Variants in PIGO observed in about 807,000 individuals in gnomAD.
The protein encoded by PIGO is GPI ethanolamine phosphate transferase 3, catalytic subunit.
Under a neutral mutation model 86.9 loss-of-function variants are expected in PIGO, and 66 were observed. That is an observed-to-expected ratio of 0.76 (90% confidence interval 0.62 to 0.93). PIGO has a LOEUF of 0.93. PIGO is among the 40% of genes least tolerant of loss of function. The pLI, the probability that PIGO is intolerant of heterozygous loss-of-function variation, is 0.00. For synonymous variants in PIGO, 570 were observed against 556.4 expected (o/e 1.02, Z -0.34); for missense variants, 1,202 against 1,359.1 (o/e 0.88, Z 1.82).
rs754771826 is a variant in PIGO, at chr9:35,092,221, G to A, written c.1666C>T (p.Arg556Cys). 12 of 1,614,218 alleles carry A rather than the reference G, an allele frequency of 7.4e-6. No homozygotes were observed. Among genetic ancestry groups the A allele is most frequent in the Non-Finnish European group, 9.3e-6 (11 of 1,180,050 alleles). ...CTATCAGAGAAGAACACAGCCAAGC[G>A]AAACAGCAGGAGTAACAGGACGGGC... ...PGPVLLLLLFRLAVFFSDSFV... is the reference protein window; with the variant it reads ...PGPVLLLLLFCLAVFFSDSFV... Residue 556 changes from arginine to cysteine, a missense_variant, in exon 7 of 11, where the codon CGC becomes TGC. By Grantham distance (180) the Arg-to-Cys change is radical. Coordinates refer to ENST00000378617, the MANE Select transcript of PIGO (RefSeq NM_032634.4).
At chr9:35,093,621 T>C (rs779338200) in intron 4 of PIGO, 41 bp from the exon 5 acceptor site, 1 of 1,549,782 alleles carries the variant, frequency 6.5e-7, no homozygotes, top group East Asian at 2.3e-5. Flanking sequence ...AACGGATAAA[T>C]ATTTTTCTCA....
Position 35,089,078 on chromosome 9 carries a change from A to C in PIGO, c.*14T>G. On this transcript the variant is annotated 3_prime_UTR_variant, in exon 11 of 11. Transcript: ENST00000378617. ...GCACTCTCTGTAGCCAAGTGCCAGT[A>C]ATCACAGACTAGGCTACCTCTGCTG... 6.2e-7 allele frequency: 1 copy of C among 1,614,064 alleles called. No individual in the cohort carries two copies. The highest frequency in any genetic ancestry group is 8.5e-7 in the Non-Finnish European group (1 of 1,179,996).
chr9:35,089,770 G>A lies in PIGO; in HGVS notation c.3069+296C>T, dbSNP rs896534871. ...AAGAGGATCCATGACCACAGTTTGG[G>A]AAGAAAATCCTGGCTATCACCTCAG... is the stretch of plus-strand genomic sequence containing the variant. On this transcript the variant is annotated intron_variant, in intron 9 of 10. Transcript: ENST00000378617. The A allele has an allele frequency of 1.2e-5, 16 of 1,390,408 alleles. No individual in the cohort carries two copies. In the Admixed American group the frequency reaches 2.8e-4, roughly 24 times the overall value. The allele number at this position is 1,390,408 out of a possible 1,614,324, so 86.1% of individuals were successfully genotyped here.
rs1829410483 is a variant in PIGO at position 35,091,450 on chromosome 9, C to A, written c.2437G>T (p.Glu813Ter). The change falls in exon 7 of 11, where the codon GAG becomes TAG. Residue 813 changes from glutamate (E) to a stop codon, truncating the protein, a stop_gained. Coordinates refer to ENST00000378617, the MANE Select transcript of PIGO (RefSeq NM_032634.4). LOFTEE classifies it high-confidence loss of function. ...HMQEEFRGRL[E>*]RTKSQGPLTV... is the part of the protein sequence containing the mutation. ...AGGGGACCCTGAGATTTGGTCCTCT[C>A]TAACCGGCCCCGGAACTCCTCCTGC... is the stretch of plus-strand genomic sequence containing the variant. The A allele has an allele frequency of 6.2e-7, 1 of 1,614,218 alleles. No homozygotes were observed. Among genetic ancestry groups the A allele is most frequent in the Non-Finnish European group, 8.5e-7 (1 of 1,180,032 alleles).
chr9:35,092,610 G>T lies in PIGO; in HGVS notation c.1277C>A (p.Ala426Asp), dbSNP rs147098410. ...TCCCCGCAGGAACTGCTGCAGCTCA[G>T]CAATCACAGTCGGCAGTGTCGCCTC... ...GAEATLPTVI[A>D]ELQQFLRGAR... Residue 426 changes from alanine (A) to aspartate (D), a missense_variant, in exon 7 of 11, where the codon GCT (alanine) becomes GAT (aspartate). Coordinates refer to ENST00000378617, the MANE Select transcript of PIGO (RefSeq NM_032634.4). 89 of 1,614,270 alleles carry T rather than the reference G, an allele frequency of 5.5e-5. No homozygotes were observed. The African/African-American group carries it at 1.1e-3, about 20-fold the overall frequency.
At position 35,095,264 on chromosome 9, in the gene PIGO, A is replaced by G. The variant is rs527285898; in HGVS notation, c.302T>C (p.Leu101Pro). The change falls in exon 2 of 11, where the codon CTG becomes CCG. Residue 101 changes from leucine to proline, a missense_variant. Leu to Pro is a moderately conservative substitution (Grantham distance 98). Transcript: ENST00000378617. ...CCTCTGCAAGGAGCTTAGTTTGCCC[A>G]GGAAGGGTAGGGAGACAGGAGGCTC... is the stretch of plus-strand genomic sequence containing the variant. ...PREPPVSLPF[L>P]GKLSSLQRIL... is the part of the protein sequence containing the mutation. 3 of 1,614,150 alleles carry G rather than the reference A, an allele frequency of 1.9e-6. No homozygotes were observed. In the East Asian group the frequency reaches 6.7e-5, roughly 36 times the overall value.
rs1431069407 is a variant in PIGO at position 35,089,903 on chromosome 9, G to A, written c.3069+163C>T. On this transcript the variant is annotated intron_variant, in intron 9 of 10. Transcript: ENST00000378617. ...CAGGACTAGGATTAAGGAGACCCAG[G>A]TTCAAGTCTCAGAACTGCCATTTGA... is the stretch of plus-strand genomic sequence containing the variant. 5 of 1,431,888 alleles carry A rather than the reference G, an allele frequency of 3.5e-6. No homozygotes were observed. In the African/African-American group the frequency reaches 7.2e-5, roughly 21 times the overall value. 88.7% of individuals were successfully genotyped at this position (1,431,888 alleles called of 1,614,324 possible). A position where few individuals can be genotyped will look rare whatever the true frequency, so the allele number is the denominator to read the frequency against.
intron 1 of PIGO, 180 bp from the exon 2 acceptor site, chr9:35,095,746 G>A: frequency 2.3e-6 from 2 of 855,214 alleles, no homozygotes; most frequent in South Asian, 2.0e-5. Context: ...GGGCATGGTG[G>A]CTCACGCCTG....
At position 35,092,166 on chromosome 9, in the gene PIGO, G is replaced by C. The variant is rs558371613; in HGVS notation, c.1721C>G (p.Pro574Arg). Reference protein sequence around the residue: ...SFVVAEARATPFLLGSFILLL... With the variant: ...SFVVAEARATRFLLGSFILLL... The stretch of plus-strand genomic sequence containing the variant: ...CAGGATGAATGAGCCCAAAAGGAAG[G>C]GGGTGGCCCTGGCCTCAGCTACAAC... Residue 574 changes from proline (P) to arginine (R), a missense_variant, in exon 7 of 11, where the codon CCC (proline) becomes CGC (arginine). Transcript: ENST00000378617. 115 of 1,614,212 alleles carry C rather than the reference G, an allele frequency of 7.1e-5. No homozygotes were observed. The highest frequency in any genetic ancestry group is 9.3e-5 in the African/African-American group (7 of 75,058).
Position 35,095,155 on chromosome 9 carries a change from G to A in PIGO, c.411C>T (p.Ala137=). The A allele has an allele frequency of 6.2e-7, 1 of 1,614,196 alleles. No homozygotes were observed. ...PPTTTMQRLK[A]LTTGSLPTFI... is the part of the protein sequence containing the mutation. ...AGGTAGGCAGTGAGCCAGTGGTGAG[G>A]GCCTTGAGGCGCTGCATGGTGGTGG... Residue 137 remains alanine, a synonymous_variant, in exon 2 of 11, where the codon GCC becomes GCT. Coordinates refer to ENST00000378617, the MANE Select transcript of PIGO (RefSeq NM_032634.4).
intron 4 of PIGO, 135 bp downstream of exon 4, chr9:35,093,766 A>G: frequency 6.8e-7 from 1 of 1,480,236 alleles, no homozygotes; most frequent in Non-Finnish European, 9.1e-7. Flanking sequence ...GAGTTAATCA[A>G]GATGGATGGA....
chr9:35,091,200 T>C, intron 7 of PIGO, 40 bp downstream of exon 7: 1 of 1,531,898 alleles, frequency 6.5e-7, no homozygotes. Flanking sequence ...CGAACTCACA[T>C]CACTATTGTC....
rs940481705 is a variant in PIGO at position 35,096,437 on chromosome 9, C to T, written c.-284G>A. On this transcript the variant is annotated 5_prime_UTR_variant, in exon 1 of 11. Transcript: ENST00000378617. Reference sequence around the variant, plus strand: ...CCTCCTCCGGTAACTACCCAGCCTCCCGCTGGGCACCCTAGCCGCGGTACT... The same window carrying T: ...CCTCCTCCGGTAACTACCCAGCCTCTCGCTGGGCACCCTAGCCGCGGTACT... 1 of 152,440 alleles carries T rather than the reference C, an allele frequency of 6.6e-6. No individual in the cohort carries two copies. 9.4% of individuals were successfully genotyped at this position (152,440 alleles called of 1,614,324 possible).
rs1367586941 is a variant in PIGO at position 35,090,132 on chromosome 9, C to T, written c.3003G>A (p.Ala1001=). The T allele has an allele frequency of 5.6e-6, 9 of 1,614,252 alleles. No homozygotes were observed. The highest frequency in any genetic ancestry group is 4.5e-5 in the East Asian group (2 of 44,888). ...EPLMEMRLRD[A]PQHFYAALLQ... ...GCAGTGCTGCATAGAAGTGCTGAGG[C>T]GCATCCCGGAGCCGCATCTCCATCA... Residue 1001 remains alanine, a synonymous_variant, in exon 9 of 11, where the codon GCG becomes GCA. Coordinates refer to ENST00000378617, the MANE Select transcript of PIGO (RefSeq NM_032634.4).
chr9:35,093,278 T>G, intron 5 of PIGO, 69 bp from the exon 6 acceptor site: 1 of 1,575,272 alleles, frequency 6.3e-7, no homozygotes, highest in Non-Finnish European at 8.7e-7. Context: ...ATGGCAGACA[T>G]AGGGGCCTAG....
rs776571289 is a variant in PIGO, at chr9:35,094,331, A to G, written c.540T>C (p.Asp180=). 1.9e-6 allele frequency: 3 copies of G among 1,606,798 alleles called. No homozygotes were observed. Among genetic ancestry groups the G allele is most frequent in the Admixed American group, 1.8e-5 (1 of 56,848 alleles). ...AGRRVVFMGD[D]TWKDLFPGAF... ...CACCAGGGAAAAGGTCTTTCCAGGTATCATCTCCCATGAAGACTACACGCC... is the reference window on the plus strand; with the variant it reads ...CACCAGGGAAAAGGTCTTTCCAGGTGTCATCTCCCATGAAGACTACACGCC... Residue 180 remains aspartate, a synonymous_variant, in exon 3 of 11, where the codon GAT becomes GAC. Transcript: ENST00000378617.
intron 2 of PIGO, among the ~76,000 whole-genome samples, chr9:35,094,701 C>G (rs1047869897): frequency 1.3e-5 from 2 of 152,238 alleles, no homozygotes; most frequent in African/African-American, 4.8e-5. Context: ...CTTCTCCACA[C>G]TTGCAAGCCA....
Position 35,089,063 on chromosome 9 carries a change from T to C in PIGO, c.*29A>G, listed in dbSNP as rs370278095. Reference sequence around the variant, plus strand: ...CTACACTGTTCTCAAGCACTCTCTGTAGCCAAGTGCCAGTAATCACAGACT... The same window carrying C: ...CTACACTGTTCTCAAGCACTCTCTGCAGCCAAGTGCCAGTAATCACAGACT... On this transcript the variant is annotated 3_prime_UTR_variant, in exon 11 of 11. Coordinates refer to ENST00000378617, the MANE Select transcript of PIGO (RefSeq NM_032634.4). The C allele has an allele frequency of 1.2e-4, 192 of 1,613,616 alleles. 2 individuals are homozygous for C. Among genetic ancestry groups the C allele is most frequent in the Non-Finnish European group, 2.5e-6 (3 of 1,179,922 alleles).
chr9:35,092,863 G>C lies in PIGO; in HGVS notation c.1120-96C>G, dbSNP rs1829497697. On this transcript the variant is annotated intron_variant, in intron 6 of 10. Transcript: ENST00000378617. ...GTATTACAAAAGGGGGTACCTGGAA[G>C]TCAAGGACCCAAACTCTGTCCAGAA... 2.2e-6 allele frequency: 3 copies of C among 1,383,414 alleles called. No homozygotes were observed. The African/African-American group carries it at 4.3e-5, about 20-fold the overall frequency. 85.7% of individuals were successfully genotyped at this position (1,383,414 alleles called of 1,614,324 possible). A position where few individuals can be genotyped will look rare whatever the true frequency, so the allele number is the denominator to read the frequency against.
Sources: allele counts gnomAD v4.1 joint callset (sites outside exome capture counted in the v4.1 genomes callset), GRCh38; gene constraint gnomAD v4.1.1; transcripts MANE v1.5; gene names NCBI Gene and HGNC (gene_info 2026-07-23, HGNC 2026-07-21).